Variants in PPP1CC observed in about 807,000 individuals in gnomAD.
PPP1CC encodes the protein protein phosphatase 1 catalytic subunit gamma.
In PPP1CC, 16 loss-of-function variants were observed where a neutral mutation model predicts 38.4. The ratio of observed to expected loss-of-function variants is 0.42; its 90% CI spans 0.28 to 0.63. PPP1CC has a LOEUF of 0.63. Among genes scored for constraint, PPP1CC ranks in the 30% least tolerant of loss-of-function variants. The probability of loss-of-function intolerance (pLI) is 0.25; values close to 1 mark genes in which losing one functional copy is unlikely to be tolerated. For synonymous variants in PPP1CC, 158 were observed against 136.0 expected (o/e 1.16, Z -1.13); for missense variants, 170 against 391.3 (o/e 0.43, Z 4.77).
At chr12:110,724,990 G>C (rs1404664240) in intron 3 of PPP1CC, 2 of 317,222 alleles carry the variant, frequency 6.3e-6, no homozygotes, top group Non-Finnish European at 1.2e-5. Context: ...TCGGGAGGCT[G>C]AGGTAGGAGG....
intron 1 of PPP1CC, among the ~76,000 whole-genome samples, chr12:110,738,038 C>T (rs1255178564): frequency 6.6e-6 from 1 of 152,154 alleles, no homozygotes; most frequent in Non-Finnish European, 1.5e-5. Context: ...AAAGCCAATC[C>T]ATTAAAAACT....
intron 1 of PPP1CC, among the ~76,000 whole-genome samples, chr12:110,741,406 A>G (rs2070015833): frequency 6.6e-6 from 1 of 152,246 alleles, no homozygotes; most frequent in East Asian, 1.9e-4. Flanking sequence ...AAAGCAGTTG[A>G]AACTGCCAAG....
intron 4 of PPP1CC, 37 bp downstream of exon 4, chr12:110,724,623 A>G (rs751086168): frequency 2.4e-5 from 30 of 1,264,450 alleles, no homozygotes; most frequent in Middle Eastern, 1.8e-4. Context: ...TTTGGAAGGG[A>G]TCAAAACCTA....
chr12:110,716,629 C>A (rs927384148), downstream of PPP1CC, among the ~76,000 whole-genome samples: 1 of 152,206 alleles, frequency 6.6e-6, no homozygotes, highest in East Asian at 1.9e-4. Flanking sequence ...GCTGGAATTA[C>A]AGGCATGAGC....
chr12:110,728,869 C>G (rs1312567723), intron 3 of PPP1CC, among the ~76,000 whole-genome samples: 1 of 152,190 alleles, frequency 6.6e-6, no homozygotes, highest in Admixed American at 6.5e-5. Context: ...TAGAAGGGCT[C>G]AGTTTGTGAA....
Position 110,730,770 on chromosome 12 carries a change from G to A in PPP1CC, c.188-11C>T. The A allele has an allele frequency of 6.4e-7, 1 of 1,573,172 alleles. No homozygotes were observed. The highest frequency in any genetic ancestry group is 1.1e-5 in the South Asian group (1 of 87,046). ...GTCCATGGATGTCACCTGGAAGCAA[G>A]AATTTTGTTACACAGTGTTCCCATA... On this transcript the variant is annotated splice_polypyrimidine_tract_variant and intron_variant, in intron 2 of 6. Transcript: ENST00000335007.
At chr12:110,730,815 A>C in intron 2 of PPP1CC, 56 bp from the exon 3 acceptor site, 1 of 1,196,456 alleles carries the variant, frequency 8.4e-7, no homozygotes, top group Admixed American at 2.4e-5. Context: ...CAATCCACTA[A>C]CAAAGCTTTG....
rs1324039989 is a variant in PPP1CC at position 110,720,519 on chromosome 12, C to T, written c.*557G>A. ...TTAAATATACATCATACCAGTGATG[C>T]TGGCAAGGTTGAAAGTTACTCCTAA... is the stretch of plus-strand genomic sequence containing the variant. On this transcript the variant is annotated 3_prime_UTR_variant, in exon 7 of 7. Coordinates refer to ENST00000335007, the MANE Select transcript of PPP1CC (RefSeq NM_002710.4). 1 of 272,616 alleles carries T rather than the reference C, an allele frequency of 3.7e-6. No homozygotes were observed. The highest frequency in any genetic ancestry group is 6.9e-6 in the Non-Finnish European group (1 of 144,158). The allele number at this position is 272,616 out of a possible 1,614,324, so 16.9% of individuals were successfully genotyped here. A position where few individuals can be genotyped will look rare whatever the true frequency, so the allele number is the denominator to read the frequency against.
At chr12:110,728,127 C>T (rs1009472262) in intron 3 of PPP1CC, among the ~76,000 whole-genome samples, 13 of 152,298 alleles carry the variant, frequency 8.5e-5, no homozygotes, top group Non-Finnish European at 1.6e-4. Flanking sequence ...AGGCCAGGCA[C>T]GGTGGCTCAC....
chr12:110,731,685 G>A, intron 2 of PPP1CC, 85 bp downstream of exon 2: 1 of 1,423,726 alleles, frequency 7.0e-7, no homozygotes, highest in Non-Finnish European at 9.5e-7. Context: ...TAATCATTCT[G>A]CTAGCTAATA....
chr12:110,727,831 C>T (rs910249948), intron 3 of PPP1CC, among the ~76,000 whole-genome samples: 2 of 152,100 alleles, frequency 1.3e-5, no homozygotes, highest in Non-Finnish European at 2.9e-5. Flanking sequence ...GACTGGATGG[C>T]AAATTATATC....
At chr12:110,728,228 C>T (rs926251860) in intron 3 of PPP1CC, among the ~76,000 whole-genome samples, 1 of 151,662 alleles carries the variant, frequency 6.6e-6, no homozygotes. Flanking sequence ...TGAAACCCCG[C>T]CTCTACTAAA....
Position 110,722,052 on chromosome 12 carries a change from C to T in PPP1CC, c.882+83G>A. ...TTAGCCTACTCAGCATAAGTGAACA[C>T]TAGGCAAAAAGTAGCAATTATATTT... is the stretch of plus-strand genomic sequence containing the variant. On this transcript the variant is annotated intron_variant, in intron 6 of 6. Coordinates refer to ENST00000335007, the MANE Select transcript of PPP1CC (RefSeq NM_002710.4). The surrounding 1 kb of genome is among the most constrained non-coding windows in gnomAD (Gnocchi z 5.4). The T allele has an allele frequency of 6.4e-7, 1 of 1,567,756 alleles. No homozygotes were observed. The highest frequency in any genetic ancestry group is 1.4e-5 in the African/African-American group (1 of 73,606).
the PPP1CC span, among the ~76,000 whole-genome samples, chr12:110,713,962 G>A: frequency 1.3e-5 from 2 of 152,072 alleles, no homozygotes; most frequent in African/African-American, 4.8e-5. Flanking sequence ...AGCTCGGCGT[G>A]GTGGCGGGCA....
intron 1 of PPP1CC, among the ~76,000 whole-genome samples, chr12:110,736,877 T>C (rs965698086): frequency 6.6e-6 from 1 of 152,162 alleles, no homozygotes; most frequent in African/African-American, 2.4e-5. Flanking sequence ...AGAAATAGCA[T>C]ATACTAAAAA....
At chr12:110,738,294 C>G (rs1566088781) in intron 1 of PPP1CC, among the ~76,000 whole-genome samples, 1 of 152,172 alleles carries the variant, frequency 6.6e-6, no homozygotes, top group Non-Finnish European at 1.5e-5. Flanking sequence ...AAACTCTATC[C>G]TGGAATTCCA....
chr12:110,731,995 C>T, intron 1 of PPP1CC, 94 bp from the exon 2 acceptor site: 5 of 1,375,800 alleles, frequency 3.6e-6, no homozygotes, highest in Non-Finnish European at 5.0e-6. Flanking sequence ...GTTTAACTAG[C>T]TTTCTGAGTG....
chr12:110,725,243 T>G (rs1014805991), intron 3 of PPP1CC: 1 of 152,814 alleles, frequency 6.5e-6, no homozygotes, highest in African/African-American at 2.4e-5. Flanking sequence ...GCATCAATTC[T>G]GTTTGAAATT....
chr12:110,709,291 G>A, the PPP1CC span, among the ~76,000 whole-genome samples: 7 of 151,342 alleles, frequency 4.6e-5, no homozygotes, highest in Admixed American at 4.6e-4. Flanking sequence ...GTGCAGTATC[G>A]CGATCCCGGC....
Sources: gnomAD v4.1 joint callset for allele counts (sites outside exome capture counted in the v4.1 genomes callset) on GRCh38, gnomAD v4.1.1 for gene constraint, Gnocchi (gnomAD v3.1) non-coding constraint, MANE v1.5 for transcripts, NCBI Gene and HGNC (gene_info 2026-07-23, HGNC 2026-07-21) for gene names.